Variants in NRXN3 observed in about 807,000 individuals in gnomAD.
NRXN3 encodes the protein neurexin 3.
A neutral mutation model predicts 137.6 loss-of-function variants in NRXN3; 32 were observed. The observed-to-expected ratio is 0.23, with a 90% CI of 0.18 to 0.31. The LOEUF is 0.31. Among genes scored for constraint, NRXN3 ranks in the 10% least tolerant of loss-of-function variants. NRXN3 has a pLI of 1.00. For missense variants in NRXN3, 1,574 were observed against 2,062.5 expected (o/e 0.76, Z 4.59); for synonymous variants, 798 against 784.5 (o/e 1.02, Z -0.29).
intron 19 of NRXN3, among the ~76,000 whole-genome samples, chr14:79,789,034 T>C (rs1419084332): frequency 6.6e-6 from 1 of 152,132 alleles, no homozygotes; most frequent in East Asian, 1.9e-4. Context: ...TAGGGACAAA[T>C]GGTAATGGAA....
chr14:78,813,341 T>G (rs138365299), intron 10 of NRXN3, among the ~76,000 whole-genome samples: 3 of 152,278 alleles, frequency 2.0e-5, no homozygotes, highest in African/African-American at 7.2e-5. Context: ...TGTTACAGGA[T>G]CTCACATTGT....
chr14:78,322,231 A>G (rs1430617590), intron 4 of NRXN3, among the ~76,000 whole-genome samples: 2 of 152,018 alleles, frequency 1.3e-5, no homozygotes, highest in African/African-American at 4.8e-5. Context: ...TTTGGGGAAG[A>G]TGCCTGTCAA....
chr14:79,540,205 C>A (rs990009623), intron 16 of NRXN3, among the ~76,000 whole-genome samples: 2 of 97,970 alleles, frequency 2.0e-5, no homozygotes, highest in Non-Finnish European at 4.0e-5. Flanking sequence ...ACTCTCTGAA[C>A]AAAAGAACTT....
At chr14:78,488,595 G>C (rs563925403) in intron 4 of NRXN3, among the ~76,000 whole-genome samples, 11 of 152,044 alleles carry the variant, frequency 7.2e-5, no homozygotes, top group Non-Finnish European at 1.6e-4. Flanking sequence ...TATTGTGGGT[G>C]GGGGGAAGGA....
intron 4 of NRXN3, among the ~76,000 whole-genome samples, chr14:78,320,263 G>C (rs745468747): frequency 1.3e-5 from 2 of 152,102 alleles, no homozygotes; most frequent in Non-Finnish European, 2.9e-5. Flanking sequence ...CGGGATTTTC[G>C]TTGTTATTTT....
At chr14:78,801,999 C>T (rs1053073082) in intron 8 of NRXN3, among the ~76,000 whole-genome samples, 3 of 152,178 alleles carry the variant, frequency 2.0e-5, no homozygotes, top group African/African-American at 7.2e-5. Context: ...TTTGTATTCT[C>T]CATAGTGCAT....
chr14:79,819,963 C>G (rs2242642), intron 20 of NRXN3, among the ~76,000 whole-genome samples: 85,743 of 151,688 alleles, frequency 0.57, 24,358 homozygotes, highest in South Asian at 0.64. Context: ...AGCTCCCCAC[C>G]TCTGCTAGGT....
chr14:78,880,618 A>T (rs1482503660), intron 10 of NRXN3, among the ~76,000 whole-genome samples: 4 of 152,176 alleles, frequency 2.6e-5, no homozygotes, highest in Admixed American at 2.0e-4. Context: ...AGTAGGGTGG[A>T]AAATGGATTC....
intron 15 of NRXN3, among the ~76,000 whole-genome samples, chr14:79,369,209 G>A (rs1212443982): frequency 2.6e-5 from 4 of 152,176 alleles, no homozygotes; most frequent in African/African-American, 9.7e-5. Flanking sequence ...AAGCCTGGAG[G>A]CAAGGACGGG....
rs369782422 is a variant in NRXN3, at chr14:79,861,846, C to T, written c.4598C>T (p.Thr1533Met). The part of the protein sequence containing the change: ...RDEGSYQVDE[T>M]RNYISNSAQS... ...GAGGGGTCCTATCAAGTGGACGAGACGCGGAACTACATCAGCAACTCCGCC... is the reference window on the plus strand; with the variant it reads ...GAGGGGTCCTATCAAGTGGACGAGATGCGGAACTACATCAGCAACTCCGCC... Residue 1533 changes from threonine (T) to methionine (M), a missense_variant, in exon 21 of 21, where the codon ACG becomes ATG. By Grantham distance (81) the Thr-to-Met change is moderately conservative. Around this residue, in one of 5 missense-constraint regions of NRXN3, gnomAD observed 320 missense variants for 387.1 expected, o/e 0.83. Transcript: ENST00000335750. This position sits in a 1 kb window ranked among gnomAD's most constrained non-coding sequence, Gnocchi z 5.4. 18 of 1,613,944 alleles carry T rather than the reference C, an allele frequency of 1.1e-5. No homozygotes were observed. The South Asian group carries it at 1.6e-4, about 15-fold the overall frequency.
At chr14:78,533,908 A>AT (rs963578563) in intron 4 of NRXN3, among the ~76,000 whole-genome samples, 2 of 152,028 alleles carry the variant, frequency 1.3e-5, no homozygotes, top group African/African-American at 4.8e-5. Context: ...TCAGTACATC[A>AT]TTTTTTTCTA....
At chr14:79,478,396 G>C (rs1423737552) in intron 16 of NRXN3, among the ~76,000 whole-genome samples, 1 of 151,930 alleles carries the variant, frequency 6.6e-6, no homozygotes, top group African/African-American at 2.4e-5. Flanking sequence ...TCTTTCATCT[G>C]AAATCAGTTT....
chr14:79,257,331 A>G (rs1451469941), intron 15 of NRXN3, among the ~76,000 whole-genome samples: 2 of 60,302 alleles, frequency 3.3e-5, no homozygotes, highest in Non-Finnish European at 6.1e-5. Context: ...GTGGATAGCA[A>G]TTGTCTTATT....
At chr14:78,868,688 G>C (rs748940587) in intron 10 of NRXN3, among the ~76,000 whole-genome samples, 5 of 151,948 alleles carry the variant, frequency 3.3e-5, no homozygotes, top group Non-Finnish European at 5.9e-5. Flanking sequence ...AGGCATGTTG[G>C]TGCATGCCTG....
chr14:79,519,461 T>C (rs899032863), intron 16 of NRXN3, among the ~76,000 whole-genome samples: 2 of 152,262 alleles, frequency 1.3e-5, no homozygotes, highest in African/African-American at 2.4e-5. Flanking sequence ...AAACATATTT[T>C]ATGTTTGTTT....
chr14:79,489,473 G>T (rs1394726301), intron 16 of NRXN3, among the ~76,000 whole-genome samples: 1 of 152,110 alleles, frequency 6.6e-6, no homozygotes, highest in South Asian at 2.1e-4. Flanking sequence ...GTTTGCACAG[G>T]TATACCAAGT....
chr14:79,705,608 C>T (rs1233542996), intron 19 of NRXN3, among the ~76,000 whole-genome samples: 2 of 152,120 alleles, frequency 1.3e-5, no homozygotes, highest in Admixed American at 1.3e-4. Flanking sequence ...ATCTTCTCAG[C>T]CCTGCCTGAA....
chr14:79,343,219 G>T (rs551779500), intron 15 of NRXN3, among the ~76,000 whole-genome samples: 3 of 152,176 alleles, frequency 2.0e-5, no homozygotes, highest in African/African-American at 7.2e-5. Flanking sequence ...TGCTCATCTT[G>T]TGGCTAATGT....
rs140045968 is a variant in NRXN3, at chr14:78,403,875, G to A, written c.757+106015G>A. 89 of 985,386 alleles carry A rather than the reference G, an allele frequency of 9.0e-5. 1 individual carries two copies. The African/African-American group carries it at 1.5e-3, about 16-fold the overall frequency. The allele number at this position is 985,386 out of a possible 1,614,324, so 61.0% of individuals were successfully genotyped here. A position where few individuals can be genotyped will look rare whatever the true frequency, so the allele number is the denominator to read the frequency against. On this transcript the variant is annotated intron_variant, in intron 4 of 20. Coordinates refer to ENST00000335750, the MANE Select transcript of NRXN3 (RefSeq NM_001330195.2). ...CTGCAGTGAAATTAACTCGAGCTTG[G>A]CAGGTAAGTCTTTCGGCTCACCTTT...
Sources: gnomAD v4.1 joint callset for allele counts (sites outside exome capture counted in the v4.1 genomes callset) on GRCh38, gnomAD v4.1.1 for gene constraint, gnomAD v4.1.1 regional missense constraint, Gnocchi (gnomAD v3.1) non-coding constraint, MANE v1.5 for transcripts, NCBI Gene and HGNC (gene_info 2026-07-23, HGNC 2026-07-21) for gene names.